ALS2CL: variants seen among roughly 807,000 people sequenced by gnomAD.
ALS2CL encodes the protein ALS2 C-terminal-like protein.
In ALS2CL, 112 loss-of-function variants were observed where a neutral mutation model predicts 127.9. The ratio of observed to expected loss-of-function variants is 0.88; its 90% CI spans 0.75 to 1.02. ALS2CL has a LOEUF of 1.02. Among genes scored for constraint, ALS2CL ranks in the 50% least tolerant of loss-of-function variants. The pLI, the probability that ALS2CL is intolerant of heterozygous loss-of-function variation, is 0.00. For synonymous variants in ALS2CL, 519 were observed against 527.6 expected (o/e 0.98, Z 0.22); for missense variants, 1,174 against 1,236.7 (o/e 0.95, Z 0.76).
At chr3:46,690,804 AG>A (rs1017528563) in intron 1 of ALS2CL, among the ~76,000 whole-genome samples, 1 of 152,162 alleles carries the variant, frequency 6.6e-6, no homozygotes, top group African/African-American at 2.4e-5. Context: ...GTGAGTGGGA[AG>A]GGGTCTCAGC....
At chr3:46,674,442 A>G in intron 21 of ALS2CL, 124 bp downstream of exon 21, 1 of 1,273,082 alleles carries the variant, frequency 7.9e-7, no homozygotes, top group Non-Finnish European at 1.1e-6. Context: ...CCACACCTGA[A>G]TGCATAAGCT....
intron 22 of ALS2CL, 115 bp downstream of exon 22, chr3:46,673,224 C>CA: frequency 2.5e-6 from 2 of 813,048 alleles, no homozygotes; most frequent in Non-Finnish European, 1.8e-6. Context: ...CCAACCCACC[C>CA]TGCCCCTCCC....
In ALS2CL at chr3:46,673,370, G is replaced by T; in HGVS notation, c.2441C>A (p.Pro814His). Residue 814 changes from proline to histidine, a missense_variant, in exon 22 of 26, where the codon CCC (proline) becomes CAC (histidine). Coordinates refer to ENST00000318962, the MANE Select transcript of ALS2CL (RefSeq NM_147129.5). Reference protein sequence around the residue: ...EFLDVQKHLWPLKDLTLTSNQ... With the variant: ...EFLDVQKHLWHLKDLTLTSNQ... Reference sequence around the variant, plus strand: ...GCTCGTCAGCGTGAGGTCCTTGAGGGGCCACAAGTGCCTGAAATTGAAAAA... The same window carrying T: ...GCTCGTCAGCGTGAGGTCCTTGAGGTGCCACAAGTGCCTGAAATTGAAAAA... 1 of 1,564,102 alleles carries T rather than the reference G, an allele frequency of 6.4e-7. No homozygotes were observed. Among genetic ancestry groups the T allele is most frequent in the East Asian group, 2.4e-5 (1 of 41,810 alleles).
rs953971335 is a variant in ALS2CL, at chr3:46,669,404, C to T, written c.*1580G>A. The T allele has an allele frequency of 2.0e-5, 3 of 152,190 alleles. No individual in the cohort carries two copies. Among genetic ancestry groups the T allele is most frequent in the Non-Finnish European group, 4.4e-5 (3 of 68,084 alleles). 9.4% of individuals were successfully genotyped at this position (152,190 alleles called of 1,614,324 possible). On this transcript the variant is annotated 3_prime_UTR_variant, in exon 26 of 26. Coordinates refer to ENST00000318962, the MANE Select transcript of ALS2CL (RefSeq NM_147129.5). ...TTGAATCTGAACTGCAGCAAGGGCT[C>T]GCAGATCTCAAAGGAGGCAGGGAAG...
In ALS2CL at chr3:46,673,426, G is replaced by A. The variant is rs749913876; in HGVS notation, c.2430-45C>T. ...ACAGGAGGCTCTGCCTCGACAAGGG[G>A]CAGAGTCTGAGGTCAGAGGGCAAAT... is the stretch of plus-strand genomic sequence containing the variant. On this transcript the variant is annotated intron_variant, in intron 21 of 25. Coordinates refer to ENST00000318962, the MANE Select transcript of ALS2CL (RefSeq NM_147129.5). 1.9e-6 allele frequency: 3 copies of A among 1,546,396 alleles called. No homozygotes were observed. In the South Asian group the frequency reaches 3.6e-5, roughly 18 times the overall value.
intron 20 of ALS2CL, 57 bp downstream of exon 20, chr3:46,675,561 C>G: frequency 2.6e-6 from 4 of 1,541,938 alleles, no homozygotes; most frequent in East Asian, 4.5e-5. Context: ...GTCCTAGGAG[C>G]AGACGCATGA....
chr3:46,688,029 G>A, intron 3 of ALS2CL, 69 bp downstream of exon 3: 2 of 1,564,698 alleles, frequency 1.3e-6, no homozygotes, highest in Admixed American at 1.7e-5. Context: ...CCAACCCCAG[G>A]TGAACCTTAA....
At chr3:46,677,167 A>C in intron 16 of ALS2CL, 145 bp from the exon 17 acceptor site, 1 of 1,447,736 alleles carries the variant, frequency 6.9e-7, no homozygotes, top group Non-Finnish European at 9.0e-7. Context: ...TGAACCATGC[A>C]GAGGGGGCTG....
intron 15 of ALS2CL, among the ~76,000 whole-genome samples, chr3:46,678,590 C>T (rs979496415): frequency 9.2e-5 from 14 of 152,198 alleles, no homozygotes; most frequent in Non-Finnish European, 2.1e-4. Context: ...ACAGCTGTGC[C>T]CACGTCTCAG....
At chr3:46,690,848 T>C (rs1700108257) in intron 1 of ALS2CL, among the ~76,000 whole-genome samples, 1 of 152,046 alleles carries the variant, frequency 6.6e-6, no homozygotes, top group South Asian at 2.1e-4. Context: ...GAGAGTGCCA[T>C]GCGGGCATCC....
chr3:46,672,920 C>G (rs1698520674), intron 22 of ALS2CL, among the ~76,000 whole-genome samples: 1 of 152,178 alleles, frequency 6.6e-6, no homozygotes, highest in Non-Finnish European at 1.5e-5. Flanking sequence ...GCAGGTTAGT[C>G]ACTTGAACCC....
intron 14 of ALS2CL, 124 bp downstream of exon 14, chr3:46,680,306 C>T (rs954209711): frequency 8.4e-6 from 9 of 1,065,176 alleles, no homozygotes; most frequent in Non-Finnish European, 1.1e-5. Context: ...GTTCTGGCTC[C>T]CTCCAGCACC....
chr3:46,683,178 C>A lies in ALS2CL; in HGVS notation c.1061G>T (p.Cys354Phe). 6.2e-7 allele frequency: 1 copy of A among 1,603,890 alleles called. No homozygotes were observed. The highest frequency in any genetic ancestry group is 8.5e-7 in the Non-Finnish European group (1 of 1,174,778). The change falls in exon 10 of 26, where the codon TGC becomes TTC. Residue 354 changes from cysteine to phenylalanine, a missense_variant. By Grantham distance (205) the Cys-to-Phe change is radical (BLOSUM62 -2). Transcript: ENST00000318962. ...CCACTCGCCCTCGTAGGTGGCCTGG[C>A]AGAGCCGGCCCTCTGCCTGGAAGGT... ...EYTFQAEGRL[C>F]QATYEGEWCR... is the part of the protein sequence containing the mutation.
chr3:46,683,895 G>C, intron 8 of ALS2CL, 47 bp from the exon 9 acceptor site: 1 of 1,613,524 alleles, frequency 6.2e-7, no homozygotes, highest in South Asian at 1.1e-5. Context: ...GTCCAGGAGG[G>C]TGGAGGGGCC....
chr3:46,671,129 C>G, intron 25 of ALS2CL, 65 bp from the exon 26 acceptor site: 1 of 1,517,868 alleles, frequency 6.6e-7, no homozygotes, highest in African/African-American at 1.4e-5. Flanking sequence ...TGCACAGGAT[C>G]TAGGGCTCAA....
chr3:46,685,756 T>A, intron 6 of ALS2CL, 112 bp from the exon 7 acceptor site: 2 of 1,433,260 alleles, frequency 1.4e-6, no homozygotes, highest in Non-Finnish European at 1.9e-6. Flanking sequence ...CCCCCTCCAG[T>A]AGACCTGGAG....
intron 1 of ALS2CL, among the ~76,000 whole-genome samples, chr3:46,689,921 T>C (rs1700057400): frequency 6.6e-6 from 1 of 152,170 alleles, no homozygotes; most frequent in Non-Finnish European, 1.5e-5. Context: ...CTCTAGCCCA[T>C]GGTTCGGGAC....
chr3:46,687,123 C>T lies in ALS2CL; in HGVS notation c.394G>A (p.Ala132Thr), dbSNP rs1489933852. The T allele has an allele frequency of 6.5e-7, 1 of 1,544,090 alleles. No individual in the cohort carries two copies. The highest frequency in any genetic ancestry group is 1.2e-5 in the South Asian group (1 of 82,580). The change falls in exon 5 of 26, where the codon GCG becomes ACG. Residue 132 changes from alanine to threonine, a missense_variant. Transcript: ENST00000318962. ...ACACCTGAAAGCAGCTGCCGCAGCG[C>T]CTTCCGCTGGCCCCGCCAGTACTCG... ...RSEYWRGQRK[A>T]LRQLLSGVSS...
rs144616200 is a variant in ALS2CL at position 46,679,246 on chromosome 3, C to T, written c.1590G>A (p.Glu530=). ...ILLSEDDSLY[E]GTFTRDLTLM... The stretch of plus-strand genomic sequence containing the variant: ...GGGTCAGGTCCCTGGTGAAGGTGCC[C>T]TCATACAGGGAGTCGTCTTCAGAGA... The change falls in exon 15 of 26, where the codon GAG becomes GAA. Residue 530 remains glutamate, a synonymous_variant. Transcript: ENST00000318962. 384 of 1,585,172 alleles carry T rather than the reference C, an allele frequency of 2.4e-4. 1 individual carries two copies. In the African/African-American group the frequency reaches 4.7e-3, roughly 19 times the overall value.
Sources: allele counts gnomAD v4.1 joint callset (sites outside exome capture counted in the v4.1 genomes callset), GRCh38; gene constraint gnomAD v4.1.1; transcripts MANE v1.5; gene names NCBI Gene and HGNC (gene_info 2026-07-23, HGNC 2026-07-21).